RIC3: variants seen among roughly 807,000 people sequenced by gnomAD.
RIC3 encodes RIC3 acetylcholine receptor chaperone, also known as protein RIC-3.
In RIC3, 28 loss-of-function variants were observed where a neutral mutation model predicts 27.3. That is an observed-to-expected ratio of 1.02 (90% CI 0.76 to 1.41). The LOEUF is 1.41. Among genes scored for constraint, RIC3 ranks in the 40% most tolerant of loss-of-function variants. RIC3 has a pLI of 0.00. For synonymous variants in RIC3, 184 were observed against 160.4 expected (o/e 1.15, Z -1.11); for missense variants, 501 against 444.7 (o/e 1.13, Z -1.14).
At chr11:8,111,239 T>G (rs1945229229) in intron 5 of RIC3, 102 bp from the exon 6 acceptor site, 7 of 812,842 alleles carry the variant, frequency 8.6e-6, no homozygotes, top group Non-Finnish European at 1.1e-5. Flanking sequence ...AGCCATCCTA[T>G]CCTAACAAAT....
At chr11:8,146,889 G>A (rs1949736425) in intron 1 of RIC3, among the ~76,000 whole-genome samples, 1 of 152,172 alleles carries the variant, frequency 6.6e-6, no homozygotes, top group Non-Finnish European at 1.5e-5. Flanking sequence ...ATTTTACTGT[G>A]TAAAGGAAGC....
chr11:8,153,344 G>T (rs979135472), intron 1 of RIC3: 2 of 422,550 alleles, frequency 4.7e-6, no homozygotes, highest in Non-Finnish European at 9.3e-6. Context: ...TACAGACAGG[G>T]AGCATAGTTA....
chr11:8,112,030 A>C (rs986616081), intron 5 of RIC3, among the ~76,000 whole-genome samples: 1 of 152,222 alleles, frequency 6.6e-6, no homozygotes, highest in Non-Finnish European at 1.5e-5. Context: ...ACCCTAACGT[A>C]AACCATTTTT....
downstream of RIC3, chr11:8,101,398 C>A: frequency 6.6e-7 from 1 of 1,520,400 alleles, no homozygotes; most frequent in Non-Finnish European, 9.1e-7. Context: ...GTTCTTCCCT[C>A]ATGTGGTTTG....
intron 4 of RIC3, chr11:8,135,575 G>A (rs909157191): frequency 6.6e-6 from 1 of 152,148 alleles, no homozygotes; most frequent in African/African-American, 2.4e-5. Flanking sequence ...ACCTTGGGCA[G>A]TATGGCCATT....
intron 4 of RIC3, chr11:8,135,860 A>G (rs1026687064): frequency 6.6e-6 from 1 of 152,228 alleles, no homozygotes; most frequent in Admixed American, 6.5e-5. Context: ...GGGTTAGGGC[A>G]GAAAAGGCCA....
At chr11:8,122,301 T>C (rs1016705643) in intron 5 of RIC3, among the ~76,000 whole-genome samples, 1 of 152,202 alleles carries the variant, frequency 6.6e-6, no homozygotes, top group African/African-American at 2.4e-5. Flanking sequence ...TCTATTTCTA[T>C]AATATTGCCA....
At chr11:8,147,990 G>T (rs758905378) in intron 1 of RIC3, among the ~76,000 whole-genome samples, 9 of 152,118 alleles carry the variant, frequency 5.9e-5, no homozygotes, top group Non-Finnish European at 1.2e-4. Flanking sequence ...CTCCCAAAGT[G>T]CTGGGATTAC....
At chr11:8,101,767 G>A, downstream of RIC3, 1 of 1,342,080 alleles carries the variant, frequency 7.5e-7, no homozygotes, top group Middle Eastern at 2.8e-4. Context: ...AGCCAGCCAG[G>A]AACTGGCTCC....
chr11:8,095,800 G>A, the RIC3 span: 457 of 987,078 alleles, frequency 4.6e-4, 1 homozygote, highest in Non-Finnish European at 4.0e-4. Flanking sequence ...GGCACACTTC[G>A]GAGACAAATG....
At chr11:8,148,018 G>C (rs1055358674) in intron 1 of RIC3, among the ~76,000 whole-genome samples, 6 of 152,016 alleles carry the variant, frequency 3.9e-5, no homozygotes, top group Non-Finnish European at 8.8e-5. Context: ...AGCCGAATTT[G>C]GGTAAGACTT....
chr11:8,146,065 A>G (rs1949645513), intron 1 of RIC3, among the ~76,000 whole-genome samples: 1 of 152,204 alleles, frequency 6.6e-6, no homozygotes, highest in Non-Finnish European at 1.5e-5. Flanking sequence ...AAGGTTATAT[A>G]TATGTGAACT....
At position 8,111,624 on chromosome 11, in the gene RIC3, A is replaced by G. The variant is rs539367590; in HGVS notation, c.671-487T>C. Among the ~76,000 whole-genome samples, 8 of 152,318 alleles carry G rather than the reference A, an allele frequency of 5.3e-5. No homozygotes were observed. The East Asian group carries it at 1.5e-3, about 29-fold the overall frequency. ...ACCATGAAGCTTTCTATTTATCCAA[A>G]CAATTGAAATGGCTTGCAAGTGTCA... On this transcript the variant is annotated intron_variant, in intron 5 of 5. Coordinates refer to ENST00000309737, the MANE Select transcript of RIC3 (RefSeq NM_001206671.4).
chr11:8,138,375 C>A, intron 2 of RIC3, 28 bp from the exon 3 acceptor site: 1 of 1,477,384 alleles, frequency 6.8e-7, no homozygotes, highest in Non-Finnish European at 9.5e-7. Context: ...TATAGCACAT[C>A]AACAGCAGCT....
chr11:8,097,639 C>G, the RIC3 span: 1 of 1,383,210 alleles, frequency 7.2e-7, no homozygotes, highest in Non-Finnish European at 1.0e-6. Context: ...CGGAGAGAGT[C>G]TGTGTGAGTG....
chr11:8,101,793 G>A, downstream of RIC3: 1 of 1,175,062 alleles, frequency 8.5e-7, no homozygotes, highest in Non-Finnish European at 1.2e-6. Context: ...CTCTGCTACT[G>A]AGGCAGGGGA....
chr11:8,139,729 A>G, intron 2 of RIC3: 1 of 450,016 alleles, frequency 2.2e-6, no homozygotes, highest in Non-Finnish European at 3.8e-6. Context: ...TTCAAGTCCT[A>G]GTTCTGCCTT....
intron 1 of RIC3, among the ~76,000 whole-genome samples, chr11:8,147,920 G>GT (rs1422581844): frequency 6.6e-6 from 1 of 152,028 alleles, no homozygotes; most frequent in Non-Finnish European, 1.5e-5. Flanking sequence ...TAGAAATGGG[G>GT]TTTCACCATG....
chr11:8,098,732 C>G, the RIC3 span: 6 of 1,554,286 alleles, frequency 3.9e-6, no homozygotes, highest in Non-Finnish European at 5.3e-6. Context: ...GTGCATGACT[C>G]TATACTGATT....
Sources: gnomAD v4.1 joint callset for allele counts (sites outside exome capture counted in the v4.1 genomes callset) on GRCh38, gnomAD v4.1.1 for gene constraint, MANE v1.5 for transcripts, NCBI Gene and HGNC (gene_info 2026-07-23, HGNC 2026-07-21) for gene names.